The following NCOA2 variants were observed in gnomAD, a reference collection of about 807,000 sequenced individuals.
NCOA2 encodes nuclear receptor coactivator 2.
A neutral mutation model predicts 145.1 loss-of-function variants in NCOA2; 21 were observed. The ratio of observed to expected loss-of-function variants is 0.14; its 90% CI spans 0.10 to 0.21. The LOEUF (loss-of-function observed/expected upper bound fraction) is 0.21. Among genes scored for constraint, NCOA2 ranks in the 10% least tolerant of loss-of-function variants. NCOA2 has a pLI of 1.00. For synonymous variants in NCOA2, 619 were observed against 637.5 expected, an observed-to-expected ratio of 0.97 and a Z score of 0.44; for missense variants, 1,472 against 1,837.6, an observed-to-expected ratio of 0.80 and a Z score of 3.64.
intron 2 of NCOA2, among the ~76,000 whole-genome samples, chr8:70,268,185 G>T (rs978067096): frequency 1.3e-5 from 2 of 152,076 alleles, no homozygotes; most frequent in Admixed American, 6.5e-5. Flanking sequence ...CCACAATTTG[G>T]TCTCTATCCT....
chr8:70,248,237 T>G (rs1288501833), intron 2 of NCOA2, among the ~76,000 whole-genome samples: 1 of 152,178 alleles, frequency 6.6e-6, no homozygotes, highest in African/African-American at 2.4e-5. Context: ...TTACATTCAG[T>G]GCCATATACA....
At chr8:70,198,647 G>A (rs568708524) in intron 4 of NCOA2, among the ~76,000 whole-genome samples, 2 of 152,278 alleles carry the variant, frequency 1.3e-5, no homozygotes, top group South Asian at 4.1e-4. Flanking sequence ...GGGTTATATA[G>A]CACAGAATAC....
intron 1 of NCOA2, among the ~76,000 whole-genome samples, chr8:70,348,056 C>G (rs1430986260): frequency 6.6e-6 from 1 of 152,202 alleles, no homozygotes; most frequent in Non-Finnish European, 1.5e-5. Flanking sequence ...AAAATAGTTC[C>G]TACCCCCCAG....
At chr8:70,230,456 G>C (rs560932334) in intron 2 of NCOA2, among the ~76,000 whole-genome samples, 1 of 152,198 alleles carries the variant, frequency 6.6e-6, no homozygotes, top group South Asian at 2.1e-4. Flanking sequence ...ACTTTAAAAA[G>C]GCTGAATTTT....
intron 4 of NCOA2, among the ~76,000 whole-genome samples, chr8:70,186,407 T>C (rs997048076): frequency 6.6e-6 from 1 of 152,138 alleles, no homozygotes; most frequent in African/African-American, 2.4e-5. Flanking sequence ...CTCAGAATGG[T>C]CCCAGTCCTT....
rs1465537512 is a variant in NCOA2 at position 70,216,713 on chromosome 8, G to A, written c.33C>T (p.Pro11=). 2 of 1,613,698 alleles carry A rather than the reference G, an allele frequency of 1.2e-6. No homozygotes were observed. Among genetic ancestry groups the A allele is most frequent in the Non-Finnish European group, 1.7e-6 (2 of 1,179,678 alleles). The change falls in exon 3 of 23, where the codon CCC becomes CCT. Residue 11 remains proline, a synonymous_variant. Transcript: ENST00000452400. ...TGCGCTTTCTTGTCTCTGCCCTGGA[G>A]GGGTCAGAGGTATTTTCTCCCATCC... MSGMGENTSD[P]SRAETRKRKE...
At chr8:70,386,995 C>T (rs1586659415) in intron 1 of NCOA2, among the ~76,000 whole-genome samples, 1 of 152,252 alleles carries the variant, frequency 6.6e-6, no homozygotes, top group East Asian at 1.9e-4. Context: ...ACTGCAAGCT[C>T]AAACTCCTGG....
At chr8:70,288,228 G>C (rs944726697) in intron 2 of NCOA2, among the ~76,000 whole-genome samples, 5 of 152,096 alleles carry the variant, frequency 3.3e-5, no homozygotes, top group African/African-American at 1.2e-4. Flanking sequence ...TCAGTTCCAA[G>C]AATTTTTTAT....
chr8:70,328,653 G>A (rs922964492), intron 1 of NCOA2, among the ~76,000 whole-genome samples: 4 of 152,082 alleles, frequency 2.6e-5, no homozygotes, highest in African/African-American at 9.7e-5. Flanking sequence ...TCAAGACCAT[G>A]TACACACCTA....
chr8:70,389,169 A>AT (rs1266132699), intron 1 of NCOA2, among the ~76,000 whole-genome samples: 1 of 152,032 alleles, frequency 6.6e-6, no homozygotes, highest in African/African-American at 2.4e-5. Flanking sequence ...ACTTCAGACT[A>AT]TTTAAGTATT....
intron 3 of NCOA2, among the ~76,000 whole-genome samples, chr8:70,214,754 G>T (rs1819418026): frequency 6.6e-6 from 1 of 152,052 alleles, no homozygotes; most frequent in Non-Finnish European, 1.5e-5. Flanking sequence ...AATATCAAAA[G>T]AGGCAAAATC....
At chr8:70,403,038 T>G (rs1206254475) in intron 1 of NCOA2, among the ~76,000 whole-genome samples, 7 of 102,682 alleles carry the variant, frequency 6.8e-5, no homozygotes, top group East Asian at 2.9e-4. Context: ...GCGGCTCCCC[T>G]TCCCCGCCCC....
chr8:70,272,982 T>G (rs1007632619), intron 2 of NCOA2, among the ~76,000 whole-genome samples: 1 of 152,192 alleles, frequency 6.6e-6, no homozygotes, highest in Admixed American at 6.5e-5. Context: ...ATACATTGTA[T>G]GTAGCTACTT....
chr8:70,121,796 T>A (rs957284043), intron 21 of NCOA2, among the ~76,000 whole-genome samples: 1 of 152,250 alleles, frequency 6.6e-6, no homozygotes, highest in African/African-American at 2.4e-5. Context: ...AAGTTATTAA[T>A]TATCAAGAGC....
chr8:70,224,482 A>G (rs1820432916), intron 2 of NCOA2, among the ~76,000 whole-genome samples: 1 of 151,984 alleles, frequency 6.6e-6, no homozygotes, highest in Non-Finnish European at 1.5e-5. Flanking sequence ...TGCATAAATC[A>G]TACCTATACC....
rs764238313 is a variant in NCOA2, at chr8:70,124,645, C to T, written c.4094+43G>A. On this transcript the variant is annotated intron_variant, in intron 20 of 22. Coordinates refer to ENST00000452400, the MANE Select transcript of NCOA2 (RefSeq NM_006540.4). The stretch of plus-strand genomic sequence containing the variant: ...CATGAAGGTGGGGGATGTCCTTCAG[C>T]TGTCACAGTGGCGGTATGAAAAGGA... The T allele has an allele frequency of 3.2e-6, 5 of 1,541,170 alleles. No homozygotes were observed. The African/African-American group carries it at 6.9e-5, about 21-fold the overall frequency.
chr8:70,118,688 A>ATT (rs745330846), intron 22 of NCOA2, among the ~76,000 whole-genome samples: 20 of 135,874 alleles, frequency 1.5e-4, no homozygotes, highest in African/African-American at 4.9e-4. Context: ...CTGGGGGAGG[A>ATT]TTTTTTTTTT....
At chr8:70,271,070 G>T (rs1825010780) in intron 2 of NCOA2, among the ~76,000 whole-genome samples, 1 of 152,128 alleles carries the variant, frequency 6.6e-6, no homozygotes, top group Admixed American at 6.5e-5. Flanking sequence ...CAATAGAGGG[G>T]AAGATATATG....
At chr8:70,224,241 A>C (rs1277385859) in intron 2 of NCOA2, among the ~76,000 whole-genome samples, 1 of 152,260 alleles carries the variant, frequency 6.6e-6, no homozygotes, top group East Asian at 1.9e-4. Flanking sequence ...CTATTAAATA[A>C]GACACCAACT....
Sources: allele counts gnomAD v4.1 joint callset (sites outside exome capture counted in the v4.1 genomes callset), GRCh38; gene constraint gnomAD v4.1.1; transcripts MANE v1.5; gene names NCBI Gene and HGNC (gene_info 2026-07-23, HGNC 2026-07-21).